TMED7: variants seen among roughly 807,000 people sequenced by gnomAD.
The protein encoded by TMED7 is transmembrane p24 trafficking protein 7.
A neutral mutation model predicts 23.4 loss-of-function variants in TMED7; 8 were observed. The observed-to-expected ratio is 0.34, with a 90% CI of 0.20 to 0.62. The LOEUF (loss-of-function observed/expected upper bound fraction) is 0.62, where lower values mean the gene tolerates loss of function less well. Among genes scored for constraint, TMED7 ranks in the 20% least tolerant of loss-of-function variants. The pLI, the probability that TMED7 is intolerant of heterozygous loss-of-function variation, is 0.77. For missense variants in TMED7, 232 were observed against 279.1 expected, an observed-to-expected ratio of 0.83 and a Z score of 1.20; for synonymous variants, 121 against 108.5, an observed-to-expected ratio of 1.12 and a Z score of -0.72.
intron 1 of TMED7, among the ~76,000 whole-genome samples, chr5:115,622,311 A>C (rs1580457691): frequency 6.6e-6 from 1 of 152,176 alleles, no homozygotes; most frequent in Middle Eastern, 3.2e-3. Context: ...ATTGAAACTG[A>C]GGATCATCCC....
At chr5:115,624,636 C>T (rs712551) in intron 1 of TMED7, among the ~76,000 whole-genome samples, 80,687 of 152,000 alleles carry the variant, frequency 0.53, 21,582 homozygotes, top group African/African-American at 0.61. Context: ...CCCCTGCTGA[C>T]CCCCTTGCTC....
In TMED7 at chr5:115,614,309, G is replaced by GT. The variant is rs1731525163; in HGVS notation, c.*1899dup. The GT allele has an allele frequency of 6.6e-6, 1 of 152,386 alleles. No homozygotes were observed. Among genetic ancestry groups the GT allele is most frequent in the African/African-American group, 2.4e-5 (1 of 41,430 alleles). 9.4% of individuals were successfully genotyped at this position (152,386 alleles called of 1,614,324 possible). A position where few individuals can be genotyped will look rare whatever the true frequency, so the allele number is the denominator to read the frequency against. ...TGTGGTAATATGCTAATATTCTGAA[G>GT]TTTTGAGAGGCACAGATTAAATGAG... On this transcript the variant is annotated 3_prime_UTR_variant, in exon 3 of 3. Transcript: ENST00000456936.
intron 1 of TMED7, among the ~76,000 whole-genome samples, chr5:115,623,179 T>C (rs1561591541): frequency 6.6e-6 from 1 of 152,220 alleles, no homozygotes; most frequent in African/African-American, 2.4e-5. Flanking sequence ...AGGTCAGGTG[T>C]GGGCTCCTTC....
intron 1 of TMED7, among the ~76,000 whole-genome samples, chr5:115,624,964 A>G (rs1388762823): frequency 6.6e-6 from 1 of 152,242 alleles, no homozygotes; most frequent in Admixed American, 6.5e-5. Flanking sequence ...ATAGCTACTC[A>G]AATGTTAAAT....
In TMED7 at chr5:115,615,804, C is replaced by T. The variant is rs1580449372; in HGVS notation, c.*405G>A. On this transcript the variant is annotated 3_prime_UTR_variant, in exon 3 of 3. Transcript: ENST00000456936. ...TCATCACATTTGGTTTTCTTATTAACAATTAAAAGGCAATTTTCTTCCTCC... is the reference window on the plus strand; with the variant it reads ...TCATCACATTTGGTTTTCTTATTAATAATTAAAAGGCAATTTTCTTCCTCC... 9 of 200,728 alleles carry T rather than the reference C, an allele frequency of 4.5e-5. No individual in the cohort carries two copies. The South Asian group carries it at 8.2e-4, about 18-fold the overall frequency. The allele number at this position is 200,728 out of a possible 1,614,324, so 12.4% of individuals were successfully genotyped here.
At position 115,620,558 on chromosome 5, in the gene TMED7, T is replaced by G. The variant is rs147546335; in HGVS notation, c.315A>C (p.Thr105=). 6.2e-7 allele frequency: 1 copy of G among 1,607,666 alleles called. No homozygotes were observed. Among genetic ancestry groups the G allele is most frequent in the Non-Finnish European group, 8.5e-7 (1 of 1,177,732 alleles). The change falls in exon 2 of 3, where the codon ACA becomes ACC. Residue 105 remains threonine (T), a synonymous_variant. Coordinates refer to ENST00000456936, the MANE Select transcript of TMED7 (RefSeq NM_181836.6). ...SFTFTASKNG[T]YKFCFSNEFS... is the part of the protein sequence containing the mutation. ...ATTCATTGCTGAAGCAAAATTTGTA[T>G]GTCCCATTTTTGGAGGCTGTGAAGG...
intron 2 of TMED7, among the ~76,000 whole-genome samples, chr5:115,617,405 A>T (rs1038188882): frequency 3.9e-5 from 6 of 152,218 alleles, no homozygotes; most frequent in Admixed American, 6.5e-5. Context: ...AATAATTATT[A>T]AAATATTCTA....
In TMED7 at chr5:115,614,957, A is replaced by G. The variant is rs906385366; in HGVS notation, c.*1252T>C. On this transcript the variant is annotated 3_prime_UTR_variant, in exon 3 of 3. Transcript: ENST00000456936. ...AAAAAAAACAGCAGAAAAGCTTTAA[A>G]TATCTATATAATTTTGAATCATCTT... The G allele has an allele frequency of 2.6e-5, 4 of 152,050 alleles. No individual in the cohort carries two copies. Among genetic ancestry groups the G allele is most frequent in the African/African-American group, 9.7e-5 (4 of 41,434 alleles). The allele number at this position is 152,050 out of a possible 1,614,324, so 9.4% of individuals were successfully genotyped here.
rs1230959517 is a variant in TMED7, at chr5:115,613,327, A to C, written c.*2882T>G. ...TAAGGAATGCAAAGAGAAGGTTACA[A>C]ATTAGGCAGTACAGACGTGGTATTT... On this transcript the variant is annotated 3_prime_UTR_variant, in exon 3 of 3. Transcript: ENST00000456936. Among the ~76,000 whole-genome samples, 2 of 152,200 alleles carry C rather than the reference A, an allele frequency of 1.3e-5. No individual in the cohort carries two copies. The highest frequency in any genetic ancestry group is 2.9e-5 in the Non-Finnish European group (2 of 68,022).
intron 1 of TMED7, among the ~76,000 whole-genome samples, chr5:115,622,319 C>T (rs780770885): frequency 4.6e-5 from 7 of 152,144 alleles, no homozygotes; most frequent in Non-Finnish European, 1.0e-4. Flanking sequence ...TGAGGATCAT[C>T]CCAAACTAAC....
intron 2 of TMED7, 129 bp from the exon 3 acceptor site, chr5:115,616,574 C>G: frequency 7.4e-7 from 1 of 1,355,560 alleles, no homozygotes; most frequent in South Asian, 1.4e-5. Context: ...GGCATTCATT[C>G]ATACATTTAT....
Position 115,620,438 on chromosome 5 carries a change from G to A in TMED7, c.435C>T (p.Thr145=). 1 of 1,502,574 alleles carries A rather than the reference G, an allele frequency of 6.7e-7. No individual in the cohort carries two copies. The highest frequency in any genetic ancestry group is 8.9e-7 in the Non-Finnish European group (1 of 1,128,278). 93.1% of individuals were successfully genotyped at this position (1,502,574 alleles called of 1,614,324 possible). A position where few individuals can be genotyped will look rare whatever the true frequency, so the allele number is the denominator to read the frequency against. Residue 145 remains threonine, a synonymous_variant, in exon 2 of 3, where the codon ACC becomes ACT. Coordinates refer to ENST00000456936, the MANE Select transcript of TMED7 (RefSeq NM_181836.6). ...TATTGCTGATTTTTTTATTTACCTGGGTAAGAGCACTGACTCGGTTCTCAC... is the reference window on the plus strand; with the variant it reads ...TATTGCTGATTTTTTTATTTACCTGAGTAAGAGCACTGACTCGGTTCTCAC... ...FPSENRVSAL[T]QMESACVSIH...
intron 1 of TMED7, 138 bp downstream of exon 1, chr5:115,625,463 G>A (rs1757168042): frequency 3.0e-6 from 3 of 994,882 alleles, no homozygotes; most frequent in Non-Finnish European, 4.1e-6. Flanking sequence ...GTCAAATGCT[G>A]GGCATCAGCT....
rs184304369 is a variant in TMED7 at position 115,616,171 on chromosome 5, A to G, written c.*38T>C. ...CTAAAATTAATTAGAGGACAGCAATATTACAGTGGCAATGGTGCATCAATT... is the reference window on the plus strand; with the variant it reads ...CTAAAATTAATTAGAGGACAGCAATGTTACAGTGGCAATGGTGCATCAATT... On this transcript the variant is annotated 3_prime_UTR_variant, in exon 3 of 3. Coordinates refer to ENST00000456936, the MANE Select transcript of TMED7 (RefSeq NM_181836.6). 5.7e-6 allele frequency: 9 copies of G among 1,587,716 alleles called. No homozygotes were observed. Among genetic ancestry groups the G allele is most frequent in the East Asian group, 4.5e-5 (2 of 44,766 alleles).
Position 115,625,658 on chromosome 5 carries a change from G to A in TMED7, c.135C>T (p.Ala45=). 1.2e-6 allele frequency: 2 copies of A among 1,602,910 alleles called. No individual in the cohort carries two copies. The highest frequency in any genetic ancestry group is 1.7e-6 in the Non-Finnish European group (2 of 1,175,370). ...SEITFELPDN[A]KQCFYEDIAQ... ...CGATGTCCTCGTAGAAGCACTGCTTGGCGTTGTCAGGAAGCTCGAAGGTGA... is the reference window on the plus strand; with the variant it reads ...CGATGTCCTCGTAGAAGCACTGCTTAGCGTTGTCAGGAAGCTCGAAGGTGA... Residue 45 remains alanine (A), a synonymous_variant, in exon 1 of 3, where the codon GCC becomes GCT. Transcript: ENST00000456936.
chr5:115,620,749 C>T (rs549205632), intron 1 of TMED7, 69 bp from the exon 2 acceptor site: 4 of 1,316,858 alleles, frequency 3.0e-6, no homozygotes, highest in Non-Finnish European at 3.9e-6. Context: ...AATCAGATTT[C>T]CTATTAAAAT....
intron 2 of TMED7, chr5:115,619,284 A>C (rs1756923052): frequency 6.6e-6 from 1 of 152,200 alleles, no homozygotes; most frequent in Non-Finnish European, 1.5e-5. Context: ...TTCTAAAATT[A>C]AGAGTATTTG....
At position 115,614,610 on chromosome 5, in the gene TMED7, G is replaced by A. The variant is rs890047686; in HGVS notation, c.*1599C>T. 4 of 152,114 alleles carry A rather than the reference G, an allele frequency of 2.6e-5. No homozygotes were observed. Among genetic ancestry groups the A allele is most frequent in the African/African-American group, 9.7e-5 (4 of 41,414 alleles). The allele number at this position is 152,114 out of a possible 1,614,324, so 9.4% of individuals were successfully genotyped here. On this transcript the variant is annotated 3_prime_UTR_variant, in exon 3 of 3. Coordinates refer to ENST00000456936, the MANE Select transcript of TMED7 (RefSeq NM_181836.6). ...ATTGATAAATATTAAGGAGTAGCTG[G>A]TCTTCAAACACCGTAAAAAGTTAAA...
intron 1 of TMED7, among the ~76,000 whole-genome samples, chr5:115,624,248 C>A (rs892862137): frequency 6.6e-6 from 1 of 152,134 alleles, no homozygotes; most frequent in Non-Finnish European, 1.5e-5. Context: ...GGTGCTAATC[C>A]ATGAAGGTAA....
Sources: allele counts gnomAD v4.1 joint callset (sites outside exome capture counted in the v4.1 genomes callset), GRCh38; gene constraint gnomAD v4.1.1; transcripts MANE v1.5; gene names NCBI Gene and HGNC (gene_info 2026-07-23, HGNC 2026-07-21).